Variants in SUGCT observed in about 807,000 individuals in gnomAD.
SUGCT encodes the protein succinyl-CoA:glutarate CoA-transferase.
A neutral mutation model predicts 55.0 loss-of-function variants in SUGCT; 41 were observed. That is an observed-to-expected ratio of 0.74 (90% CI 0.58 to 0.97). The LOEUF is 0.97. SUGCT is among the 50% of genes least tolerant of loss of function. SUGCT has a pLI of 0.00. For synonymous variants in SUGCT, 187 were observed against 200.4 expected, an observed-to-expected ratio of 0.93 and a Z score of 0.56; for missense variants, 568 against 547.8, an observed-to-expected ratio of 1.04 and a Z score of -0.37.
intron 1 of SUGCT, among the ~76,000 whole-genome samples, chr7:40,163,808 T>G (rs563068199): frequency 6.6e-6 from 1 of 151,998 alleles, no homozygotes; most frequent in Non-Finnish European, 1.5e-5. Context: ...TCTATTTTCT[T>G]AATTTTTTGA....
chr7:40,248,249 G>A (rs1790046518), intron 7 of SUGCT, among the ~76,000 whole-genome samples: 1 of 152,134 alleles, frequency 6.6e-6, no homozygotes, highest in Non-Finnish European at 1.5e-5. Flanking sequence ...GACCTCAGGT[G>A]ATCTGCCCAT....
chr7:40,268,584 A>G (rs1791772462), intron 7 of SUGCT, among the ~76,000 whole-genome samples: 1 of 152,260 alleles, frequency 6.6e-6, no homozygotes, highest in East Asian at 1.9e-4. Context: ...GCTATTATGA[A>G]TAATGCTGCT....
chr7:40,887,267 T>C, the SUGCT span, among the ~76,000 whole-genome samples: 2 of 152,190 alleles, frequency 1.3e-5, no homozygotes, highest in Admixed American at 6.5e-5. Context: ...CTGAGTGATA[T>C]GACATACTTA....
intron 12 of SUGCT, among the ~76,000 whole-genome samples, chr7:40,668,744 A>G (rs966413403): frequency 5.9e-5 from 9 of 152,172 alleles, no homozygotes; most frequent in Non-Finnish European, 1.0e-4. Context: ...GCCATGGACA[A>G]TGAAAGCTCC....
chr7:40,597,964 A>G (rs1473614656), intron 12 of SUGCT, among the ~76,000 whole-genome samples: 1 of 152,126 alleles, frequency 6.6e-6, no homozygotes, highest in Non-Finnish European at 1.5e-5. Flanking sequence ...GAAAAAAAAA[A>G]TCCAGTGTAT....
intron 9 of SUGCT, among the ~76,000 whole-genome samples, chr7:40,419,945 G>C (rs1289108799): frequency 6.6e-6 from 1 of 152,172 alleles, no homozygotes; most frequent in Non-Finnish European, 1.5e-5. Flanking sequence ...ATGATATGTA[G>C]CTGGCAAGTT....
chr7:40,952,425 T>C, the SUGCT span, among the ~76,000 whole-genome samples: 7 of 152,242 alleles, frequency 4.6e-5, no homozygotes, highest in Non-Finnish European at 5.9e-5. Flanking sequence ...AGTCTGTGTC[T>C]TTTAATTGGA....
At chr7:40,594,707 G>A (rs558855617) in intron 12 of SUGCT, among the ~76,000 whole-genome samples, 1 of 152,276 alleles carries the variant, frequency 6.6e-6, no homozygotes, top group South Asian at 2.1e-4. Context: ...GTCAGGTCCT[G>A]TGTGGCACTA....
At chr7:40,512,748 A>C (rs1402394331) in intron 12 of SUGCT, among the ~76,000 whole-genome samples, 1 of 152,044 alleles carries the variant, frequency 6.6e-6, no homozygotes, top group Non-Finnish European at 1.5e-5. Context: ...TGGCATAGAA[A>C]TGGTAAGTGT....
At chr7:40,694,626 G>A (rs183191362) in intron 12 of SUGCT, among the ~76,000 whole-genome samples, 1 of 152,260 alleles carries the variant, frequency 6.6e-6, no homozygotes, top group Admixed American at 6.5e-5. Flanking sequence ...CACGTTGTTA[G>A]TGAACAATTT....
At chr7:40,236,343 C>T (rs1010184796) in intron 6 of SUGCT, among the ~76,000 whole-genome samples, 2 of 148,772 alleles carry the variant, frequency 1.3e-5, no homozygotes, top group Admixed American at 6.8e-5. Flanking sequence ...TGAGCCACCA[C>T]GCCTGGCCTG....
intron 6 of SUGCT, among the ~76,000 whole-genome samples, chr7:40,204,823 A>C (rs1327111853): frequency 6.6e-6 from 1 of 151,766 alleles, no homozygotes; most frequent in East Asian, 1.9e-4. Flanking sequence ...AGTTCCAGCT[A>C]CTCAGGAGGT....
intron 9 of SUGCT, among the ~76,000 whole-genome samples, chr7:40,444,514 GCTCT>G (rs1007273607): frequency 6.4e-4 from 97 of 152,116 alleles, no homozygotes; most frequent in African/African-American, 2.2e-3. Flanking sequence ...TCGTGATTTG[GCTCT>G]CTGTTTGTCT....
chr7:40,463,198 A>C (rs1461486050), intron 11 of SUGCT, among the ~76,000 whole-genome samples: 1 of 152,194 alleles, frequency 6.6e-6, no homozygotes, highest in African/African-American at 2.4e-5. Context: ...AAAATCTTTA[A>C]AACGTGAAAA....
At chr7:40,439,377 C>A (rs1474167100) in intron 9 of SUGCT, among the ~76,000 whole-genome samples, 1 of 151,838 alleles carries the variant, frequency 6.6e-6, no homozygotes, top group African/African-American at 2.4e-5. Flanking sequence ...CCTATCTTTA[C>A]CACTTTCTTT....
chr7:40,415,800 T>C (rs2151356870), intron 9 of SUGCT, among the ~76,000 whole-genome samples: 1 of 152,234 alleles, frequency 6.6e-6, no homozygotes, highest in African/African-American at 2.4e-5. Flanking sequence ...TACATGTATA[T>C]ATTGGGACCT....
chr7:40,434,441 A>G (rs898509001), intron 9 of SUGCT, among the ~76,000 whole-genome samples: 2 of 152,028 alleles, frequency 1.3e-5, no homozygotes, highest in African/African-American at 4.8e-5. Flanking sequence ...GAATGGTGTA[A>G]TGATTTTTTC....
the SUGCT span, among the ~76,000 whole-genome samples, chr7:40,915,062 TAGA>T: frequency 6.6e-6 from 1 of 152,154 alleles, no homozygotes; most frequent in Non-Finnish European, 1.5e-5. Flanking sequence ...AAAATACCAT[TAGA>T]ATGTGGGGCT....
At chr7:40,951,694 C>G in the SUGCT span, among the ~76,000 whole-genome samples, 2 of 151,982 alleles carry the variant, frequency 1.3e-5, no homozygotes, top group African/African-American at 4.8e-5. Flanking sequence ...TTTATTCTGC[C>G]TTCGTTTTGT....
Sources: allele counts gnomAD v4.1 joint callset (sites outside exome capture counted in the v4.1 genomes callset), GRCh38; gene constraint gnomAD v4.1.1; transcripts MANE v1.5; gene names NCBI Gene and HGNC (gene_info 2026-07-23, HGNC 2026-07-21).